Variants in LRP1B observed in about 807,000 individuals in gnomAD.
LRP1B encodes LDL receptor related protein 1B.
In LRP1B, 217 loss-of-function variants were observed where a neutral mutation model predicts 556.6. That is an observed-to-expected ratio of 0.39 (90% CI 0.35 to 0.44). LRP1B has a LOEUF of 0.44. Ranked by LOEUF, LRP1B falls within the 20% of genes least tolerant of loss-of-function variation. The pLI is 1.00. For synonymous variants in LRP1B, 2,047 were observed against 1,865.8 expected (o/e 1.10, Z -2.50); for missense variants, 5,053 against 5,620.8 (o/e 0.90, Z 3.23).
intron 1 of LRP1B, among the ~76,000 whole-genome samples, chr2:141,814,911 G>T (rs192793546): frequency 1.3e-5 from 2 of 152,282 alleles, no homozygotes; most frequent in East Asian, 3.9e-4. Context: ...AGCAGGTCAG[G>T]CAGTGAGGCA....
At chr2:140,776,293 TAATA>T (rs1689496257) in intron 32 of LRP1B, 55 bp from the exon 33 acceptor site, 6 of 1,130,550 alleles carry the variant, frequency 5.3e-6, no homozygotes, top group East Asian at 2.9e-5. Context: ...TATTAAATAA[TAATA>T]AATACTTACT....
chr2:141,844,533 A>C (rs906778355), intron 1 of LRP1B, among the ~76,000 whole-genome samples: 1 of 152,094 alleles, frequency 6.6e-6, no homozygotes, highest in Non-Finnish European at 1.5e-5. Flanking sequence ...GAACAATGTC[A>C]GTATATGGTA....
In LRP1B at chr2:140,328,525, C is replaced by T. The variant is rs185064424; in HGVS notation, c.12224-2647G>A. On this transcript the variant is annotated intron_variant, in intron 79 of 90. Transcript: ENST00000389484. ...AACAAAATATTATGTGAAATGACCA[C>T]AGTATTAAGAGGCAGGACTTGGAGA... Among the ~76,000 whole-genome samples, 13 of 151,040 alleles carry T rather than the reference C, an allele frequency of 8.6e-5. No homozygotes were observed. The East Asian group carries it at 2.5e-3, about 29-fold the overall frequency.
At chr2:140,590,981 T>C (rs1682200683) in intron 43 of LRP1B, among the ~76,000 whole-genome samples, 1 of 152,226 alleles carries the variant, frequency 6.6e-6, no homozygotes, top group South Asian at 2.1e-4. Context: ...TGCTGTATTC[T>C]TTACTTTTAT....
At chr2:141,776,470 T>A (rs1252229003) in intron 2 of LRP1B, among the ~76,000 whole-genome samples, 1 of 152,236 alleles carries the variant, frequency 6.6e-6, no homozygotes. Context: ...TTTGTGGATG[T>A]TATTCCATGG....
At chr2:141,076,613 A>G (rs1459922743) in intron 7 of LRP1B, among the ~76,000 whole-genome samples, 1 of 152,200 alleles carries the variant, frequency 6.6e-6, no homozygotes, top group Non-Finnish European at 1.5e-5. Flanking sequence ...CTTAACAAAT[A>G]AGAAACAGCA....
intron 1 of LRP1B, among the ~76,000 whole-genome samples, chr2:141,871,642 T>A (rs188265986): frequency 1.6e-4 from 24 of 152,118 alleles, no homozygotes; most frequent in African/African-American, 5.8e-4. Flanking sequence ...TCTCAGTACA[T>A]GAGTGTTGAA....
intron 35 of LRP1B, among the ~76,000 whole-genome samples, chr2:140,758,041 A>G (rs750055818): frequency 4.3e-4 from 65 of 152,212 alleles, no homozygotes; most frequent in Non-Finnish European, 8.8e-4. Flanking sequence ...ACTGAAAACC[A>G]TTGACTTGTA....
intron 18 of LRP1B, among the ~76,000 whole-genome samples, chr2:140,962,965 A>G (rs889297487): frequency 6.6e-6 from 1 of 152,124 alleles, no homozygotes; most frequent in Non-Finnish European, 1.5e-5. Context: ...TGGACCCTTT[A>G]AAAAAACGCT....
intron 15 of LRP1B, among the ~76,000 whole-genome samples, chr2:141,000,059 C>T (rs1292946351): frequency 2.0e-5 from 3 of 151,910 alleles, no homozygotes; most frequent in South Asian, 2.1e-4. Context: ...GGTCTACAAG[C>T]GTGCACCACC....
intron 35 of LRP1B, among the ~76,000 whole-genome samples, chr2:140,721,425 TTA>T (rs1003560590): frequency 3.9e-5 from 6 of 152,008 alleles, no homozygotes; most frequent in Non-Finnish European, 8.8e-5. Flanking sequence ...TTTAAAAAAA[TTA>T]TATGTTATAC....
chr2:140,369,383 C>T (rs904823671), intron 71 of LRP1B, among the ~76,000 whole-genome samples: 5 of 151,790 alleles, frequency 3.3e-5, no homozygotes, highest in African/African-American at 9.7e-5. Flanking sequence ...AGAGGTGATT[C>T]GCTAGAATAT....
chr2:141,103,596 C>G (rs925400776), intron 7 of LRP1B, among the ~76,000 whole-genome samples: 1 of 148,970 alleles, frequency 6.7e-6, no homozygotes, highest in Non-Finnish European at 1.5e-5. Context: ...GAAATGTGCA[C>G]CTATTTACCA....
At chr2:140,907,420 A>T (rs1003190540) in intron 22 of LRP1B, among the ~76,000 whole-genome samples, 2 of 152,094 alleles carry the variant, frequency 1.3e-5, no homozygotes, top group Non-Finnish European at 2.9e-5. Flanking sequence ...ATTGGGTCAT[A>T]TTCAATTGGC....
At chr2:140,883,212 C>A (rs538774491) in intron 25 of LRP1B, among the ~76,000 whole-genome samples, 1 of 152,074 alleles carries the variant, frequency 6.6e-6, no homozygotes, top group African/African-American at 2.4e-5. Context: ...TCCTTCACAA[C>A]GGAACACAAA....
chr2:140,707,463 A>G (rs576929447), intron 37 of LRP1B, among the ~76,000 whole-genome samples: 1 of 152,250 alleles, frequency 6.6e-6, no homozygotes, highest in African/African-American at 2.4e-5. Context: ...TAGCCTTTAC[A>G]TGAGCATAAG....
At chr2:140,990,210 A>C in intron 16 of LRP1B, among the ~76,000 whole-genome samples, 1 of 151,962 alleles carries the variant, frequency 6.6e-6, no homozygotes, top group East Asian at 1.9e-4. Flanking sequence ...AAAAATAAAT[A>C]AATAAAACCA....
intron 35 of LRP1B, among the ~76,000 whole-genome samples, chr2:140,762,773 G>T (rs993017228): frequency 6.6e-6 from 1 of 152,046 alleles, no homozygotes; most frequent in Non-Finnish European, 1.5e-5. Flanking sequence ...CTAGAATATT[G>T]TCTAGTTGAT....
intron 3 of LRP1B, among the ~76,000 whole-genome samples, chr2:141,401,466 A>G (rs1161737205): frequency 1.3e-5 from 2 of 152,180 alleles, no homozygotes; most frequent in East Asian, 1.9e-4. Context: ...ACATGTATCT[A>G]TCACCAGACC....
Sources: gnomAD v4.1 joint callset for allele counts (sites outside exome capture counted in the v4.1 genomes callset) on GRCh38, gnomAD v4.1.1 for gene constraint, MANE v1.5 for transcripts, NCBI Gene and HGNC (gene_info 2026-07-23, HGNC 2026-07-21) for gene names.